Variants in NIT2 observed in about 807,000 individuals in gnomAD.
NIT2 encodes omega-amidase NIT2.
Under a neutral mutation model 42.7 loss-of-function variants are expected in NIT2, and 46 were observed. The observed-to-expected ratio is 1.08, with a 90% confidence interval of 0.85 to 1.38. The LOEUF (loss-of-function observed/expected upper bound fraction) is 1.38, where lower values mean the gene tolerates loss of function less well. Among genes scored for constraint, NIT2 ranks in the 40% most tolerant of loss-of-function variants. The pLI is 0.00. For synonymous variants in NIT2, 123 were observed against 121.9 expected, an observed-to-expected ratio of 1.01 and a Z score of -0.06; for missense variants, 309 against 342.5, an observed-to-expected ratio of 0.90 and a Z score of 0.77.
At chr3:100,337,309 T>G (rs1207239103) in intron 1 of NIT2, among the ~76,000 whole-genome samples, 1 of 152,174 alleles carries the variant, frequency 6.6e-6, no homozygotes, top group Non-Finnish European at 1.5e-5. Context: ...TTCCTGAAGT[T>G]TTGCAGAGCT....
At position 100,359,203 on chromosome 3, in the gene NIT2, A is replaced by G. The variant is rs2148886237; in HGVS notation, c.*3935A>G. 1 of 152,362 alleles carries G rather than the reference A, an allele frequency of 6.6e-6. No individual in the cohort carries two copies. The highest frequency in any genetic ancestry group is 6.5e-5 in the Admixed American group (1 of 15,302). 9.4% of individuals were successfully genotyped at this position (152,362 alleles called of 1,614,324 possible). The stretch of plus-strand genomic sequence containing the variant: ...GACAGTGCTTCTTGTTCAATGATTT[A>G]CTTCACAGCTGATTCATAATCAAAT... On this transcript the variant is annotated 3_prime_UTR_variant, in exon 10 of 10. Transcript: ENST00000394140.
intron 1 of NIT2, among the ~76,000 whole-genome samples, chr3:100,338,801 G>T (rs575603458): frequency 3.4e-4 from 52 of 152,304 alleles, no homozygotes; most frequent in African/African-American, 1.2e-3. Context: ...CATGGATATT[G>T]CTCTATCTCC....
intron 4 of NIT2, among the ~76,000 whole-genome samples, chr3:100,342,504 A>T (rs1576199824): frequency 6.8e-6 from 1 of 146,414 alleles, no homozygotes. Flanking sequence ...TTGGCTTTTT[A>T]GTTATACATC....
intron 7 of NIT2, chr3:100,349,108 CT>C (rs748206956): frequency 0.062 from 14,272 of 229,020 alleles, 1 homozygote; most frequent in South Asian, 0.11. Context: ...GGAAACTGTA[CT>C]TTTTTTTTTT....
At position 100,345,649 on chromosome 3, in the gene NIT2, C is replaced by A; in HGVS notation, c.401C>A (p.Pro134Gln). Residue 134 changes from proline (P) to glutamine (Q), a missense_variant, in exon 5 of 10, where the codon CCG becomes CAG. Coordinates refer to ENST00000394140, the MANE Select transcript of NIT2 (RefSeq NM_020202.5). ...TTTCAAGAATCTAAAACATTGAGTC[C>A]GGGTGATAGTTTCTCCACATTTGAT... ...ITFQESKTLS[P>Q]GDSFSTFDTP... The A allele has an allele frequency of 6.2e-7, 1 of 1,612,502 alleles. No homozygotes were observed.
At chr3:100,350,976 A>G (rs989024509) in intron 7 of NIT2, among the ~76,000 whole-genome samples, 4 of 151,842 alleles carry the variant, frequency 2.6e-5, no homozygotes, top group African/African-American at 7.3e-5. Context: ...TTGTGCTTGC[A>G]ATAGTTTACT....
chr3:100,341,658 G>A (rs1393629112), intron 4 of NIT2, among the ~76,000 whole-genome samples: 22 of 151,612 alleles, frequency 1.5e-4, no homozygotes, highest in Non-Finnish European at 4.4e-5. Context: ...ATGAGCCACC[G>A]TGCCCAGCCA....
chr3:100,360,079 A>T lies in NIT2; in HGVS notation c.*4811A>T, dbSNP rs1344415640. The T allele has an allele frequency of 6.6e-6, 1 of 152,196 alleles. No homozygotes were observed. The highest frequency in any genetic ancestry group is 1.5e-5 in the Non-Finnish European group (1 of 68,040). 9.4% of individuals were successfully genotyped at this position (152,196 alleles called of 1,614,324 possible). ...CCTCTATGTTCATCTTTTTATGGCT[A>T]ACCCTCACCATCATGAGTGCTTAGT... On this transcript the variant is annotated 3_prime_UTR_variant, in exon 10 of 10. Transcript: ENST00000394140.
intron 8 of NIT2, among the ~76,000 whole-genome samples, 199 bp from the exon 9 acceptor site, chr3:100,354,573 T>A (rs974510352): frequency 3.9e-5 from 6 of 152,184 alleles, no homozygotes; most frequent in African/African-American, 1.4e-4. Flanking sequence ...CTTTATAGAT[T>A]AGGAAATGGA....
chr3:100,340,996 A>G, intron 3 of NIT2, 77 bp from the exon 4 acceptor site: 4 of 955,910 alleles, frequency 4.2e-6, no homozygotes, highest in African/African-American at 1.7e-5. Context: ...GACCCAAGTT[A>G]TCAGGCTTTT....
intron 8 of NIT2, among the ~76,000 whole-genome samples, chr3:100,353,805 A>G (rs1196928101): frequency 1.7e-4 from 24 of 138,470 alleles, no homozygotes; most frequent in African/African-American, 6.6e-4. Context: ...ATGGAGTTTC[A>G]CTCTGTCGCC....
intron 1 of NIT2, chr3:100,335,113 GTA>G: frequency 2.3e-6 from 1 of 431,098 alleles, no homozygotes; most frequent in Non-Finnish European, 4.5e-6. Flanking sequence ...GGCCGCGGTG[GTA>G]GGATCCAACT....
At position 100,359,697 on chromosome 3, in the gene NIT2, G is replaced by T. The variant is rs1380420866; in HGVS notation, c.*4429G>T. 2.0e-5 allele frequency: 3 copies of T among 152,094 alleles called. No individual in the cohort carries two copies. Among genetic ancestry groups the T allele is most frequent in the Non-Finnish European group, 4.4e-5 (3 of 68,038 alleles). The allele number at this position is 152,094 out of a possible 1,614,324, so 9.4% of individuals were successfully genotyped here. ...CCTTTACATTTTATTTTGTCCTGAG[G>T]AATCTCAGCTACATGCATGGTCTTC... is the stretch of plus-strand genomic sequence containing the variant. On this transcript the variant is annotated 3_prime_UTR_variant, in exon 10 of 10. Transcript: ENST00000394140.
chr3:100,343,511 A>G (rs192291744), intron 4 of NIT2, among the ~76,000 whole-genome samples: 5 of 152,294 alleles, frequency 3.3e-5, no homozygotes, highest in Admixed American at 3.3e-4. Context: ...ATTTTAAAAA[A>G]TTGAGATATT....
At chr3:100,337,278 T>C (rs1706088905) in intron 1 of NIT2, among the ~76,000 whole-genome samples, 1 of 152,006 alleles carries the variant, frequency 6.6e-6, no homozygotes, top group Non-Finnish European at 1.5e-5. Context: ...TGATCGCTCT[T>C]TCTTTTCCCT....
chr3:100,346,173 G>A lies in NIT2; in HGVS notation c.431-8G>A. ...CTTTTCATTTGTGCATTTTCTGTTTGGAAACAGCTTACTGCAGAGTGGGTC... is the reference window on the plus strand; with the variant it reads ...CTTTTCATTTGTGCATTTTCTGTTTAGAAACAGCTTACTGCAGAGTGGGTC... On this transcript the variant is annotated splice_polypyrimidine_tract_variant and splice_region_variant and intron_variant, in intron 5 of 9. Coordinates refer to ENST00000394140, the MANE Select transcript of NIT2 (RefSeq NM_020202.5). 6.2e-7 allele frequency: 1 copy of A among 1,613,560 alleles called. No individual in the cohort carries two copies. Among genetic ancestry groups the A allele is most frequent in the Non-Finnish European group, 8.5e-7 (1 of 1,179,542 alleles).
intron 8 of NIT2, among the ~76,000 whole-genome samples, chr3:100,353,089 C>G (rs1706290606): frequency 6.6e-6 from 1 of 152,236 alleles, no homozygotes; most frequent in Admixed American, 6.5e-5. Context: ...ATCCTACTTT[C>G]ACAACATGGT....
chr3:100,335,532 C>T (rs1706059115), intron 1 of NIT2, among the ~76,000 whole-genome samples: 1 of 152,234 alleles, frequency 6.6e-6, no homozygotes, highest in Non-Finnish European at 1.5e-5. Context: ...GTCTCCTCCT[C>T]AGCATGAGGA....
intron 2 of NIT2, among the ~76,000 whole-genome samples, chr3:100,339,435 G>A (rs904912876): frequency 3.9e-5 from 6 of 152,160 alleles, no homozygotes; most frequent in Non-Finnish European, 1.5e-5. Flanking sequence ...GTTCAGATGA[G>A]GAAGCCAAAA....
Sources: allele counts gnomAD v4.1 joint callset (sites outside exome capture counted in the v4.1 genomes callset), GRCh38; gene constraint gnomAD v4.1.1; transcripts MANE v1.5; gene names NCBI Gene and HGNC (gene_info 2026-07-23, HGNC 2026-07-21).